LRP2: variants seen among roughly 807,000 people sequenced by gnomAD.
LRP2 encodes the protein low-density lipoprotein receptor-related protein 2.
LRP2 carries 172 observed loss-of-function variants against 531.0 expected under a neutral mutation model. The observed-to-expected ratio is 0.32, with a 90% CI of 0.29 to 0.37. The LOEUF (loss-of-function observed/expected upper bound fraction) is 0.37, where lower values mean the gene tolerates loss of function less well. Ranked by LOEUF, LRP2 falls within the 10% of genes least tolerant of loss-of-function variation. The pLI is 1.00. For synonymous variants in LRP2, 1,992 were observed against 2,027.6 expected, an observed-to-expected ratio of 0.98 and a Z score of 0.47; for missense variants, 5,167 against 5,868.3, an observed-to-expected ratio of 0.88 and a Z score of 3.90.
At chr2:169,248,723 C>T (rs1190309383) in intron 19 of LRP2, among the ~76,000 whole-genome samples, 1 of 142,674 alleles carries the variant, frequency 7.0e-6, no homozygotes, top group Non-Finnish European at 1.5e-5. Flanking sequence ...ATCTGAGGTA[C>T]CGGGTTCATC....
intron 45 of LRP2, among the ~76,000 whole-genome samples, chr2:169,197,817 A>G (rs961473206): frequency 6.6e-6 from 1 of 152,174 alleles, no homozygotes; most frequent in Non-Finnish European, 1.5e-5. Flanking sequence ...TGCTGCTGTT[A>G]TTACAACAGA....
chr2:169,263,109 G>C (rs1690639201), intron 16 of LRP2, among the ~76,000 whole-genome samples: 1 of 152,172 alleles, frequency 6.6e-6, no homozygotes, highest in African/African-American at 2.4e-5. Flanking sequence ...ATGGCTTAAA[G>C]ACTTAAATAT....
chr2:169,272,142 C>T (rs1018835903), intron 15 of LRP2, among the ~76,000 whole-genome samples: 4 of 151,934 alleles, frequency 2.6e-5, no homozygotes, highest in Admixed American at 2.0e-4. Context: ...CGCTAGAAAC[C>T]GCAACATCTG....
rs1216987363 is a variant in LRP2, at chr2:169,284,256, C to CTTTTTTTTTTTT, written c.1043-1267_1043-1256dup. ...CTTTTCTTTTCTTTTTCTTTTTTTTCTTTTTTTTTTTTTTTTTTTTTTTTT... is the reference window on the plus strand; with the variant it reads ...CTTTTCTTTTCTTTTTCTTTTTTTTCTTTTTTTTTTTTTTTTTTTTTTTTTTTTTTTTTTTTT... On this transcript the variant is annotated intron_variant, in intron 9 of 78. Coordinates refer to ENST00000649046, the MANE Select transcript of LRP2 (RefSeq NM_004525.3). 1.4e-3 allele frequency among the ~76,000 whole-genome samples: 135 copies of CTTTTTTTTTTTT among 96,580 alleles called. 4 individuals are homozygous for CTTTTTTTTTTTT. Among genetic ancestry groups the CTTTTTTTTTTTT allele is most frequent in the African/African-American group, 2.5e-3 (56 of 22,690 alleles). 63.4% of individuals were successfully genotyped at this position (96,580 alleles called of 152,430 possible).
Position 169,191,935 on chromosome 2 carries a change from C to G in LRP2, c.8929G>C (p.Asp2977His). The stretch of plus-strand genomic sequence containing the variant: ...TTCTCATCGTAGCCGTCAGTACAAT[C>G]CACATCGCCATCACAGACCCAAGAC... Reference protein sequence around the residue: ...PQSWVCDGDVDCTDGYDENQN... With the variant: ...PQSWVCDGDVHCTDGYDENQN... Residue 2977 changes from aspartate to histidine, a missense_variant, in exon 48 of 79, where the codon GAT (aspartate) becomes CAT (histidine). Physicochemically the swap from Asp to His is moderately conservative, Grantham distance 81. Around this residue, in one of 6 missense-constraint regions of LRP2, gnomAD observed 1,129 missense variants for 1,362.7 expected, o/e 0.83. Coordinates refer to ENST00000649046, the MANE Select transcript of LRP2 (RefSeq NM_004525.3). 1 of 1,614,160 alleles carries G rather than the reference C, an allele frequency of 6.2e-7. No homozygotes were observed. Among genetic ancestry groups the G allele is most frequent in the Non-Finnish European group, 8.5e-7 (1 of 1,180,004 alleles).
chr2:169,152,978 C>T lies in LRP2; in HGVS notation c.12296-14G>A, dbSNP rs183967792. 5.3e-5 allele frequency: 86 copies of T among 1,613,098 alleles called. No individual in the cohort carries two copies. In the African/African-American group the frequency reaches 1.0e-3, roughly 19 times the overall value. ...AATACACAACACCTACAGAGGAAGA[C>T]ACACAGGTCAGTTTCATGTCAAGAG... is the stretch of plus-strand genomic sequence containing the variant. On this transcript the variant is annotated splice_polypyrimidine_tract_variant and intron_variant, in intron 66 of 78. Coordinates refer to ENST00000649046, the MANE Select transcript of LRP2 (RefSeq NM_004525.3).
chr2:169,335,413 A>G (rs1685377564), intron 1 of LRP2, among the ~76,000 whole-genome samples: 1 of 152,256 alleles, frequency 6.6e-6, no homozygotes, highest in Admixed American at 6.5e-5. Context: ...TTCTATCATC[A>G]TAAAAGGATT....
intron 1 of LRP2, among the ~76,000 whole-genome samples, chr2:169,341,662 G>A (rs540760915): frequency 5.9e-5 from 9 of 152,252 alleles, no homozygotes; most frequent in East Asian, 3.9e-4. Context: ...AAAGTTACAA[G>A]AAAGTAAAGC....
intron 10 of LRP2, 28 bp from the exon 11 acceptor site, chr2:169,280,547 A>G (rs1177035110): frequency 6.2e-7 from 1 of 1,608,010 alleles, no homozygotes; most frequent in Non-Finnish European, 8.5e-7. Context: ...AGGCATCACC[A>G]CTCCTTCAGA....
intron 13 of LRP2, 54 bp downstream of exon 13, chr2:169,277,691 T>C: frequency 1.3e-6 from 2 of 1,491,450 alleles, no homozygotes; most frequent in South Asian, 2.3e-5. Context: ...GCAGCCATTT[T>C]ATGCACTTTC....
intron 13 of LRP2, among the ~76,000 whole-genome samples, chr2:169,277,478 A>G (rs1273335872): frequency 6.6e-6 from 1 of 152,166 alleles, no homozygotes; most frequent in Non-Finnish European, 1.5e-5. Context: ...ATGTGGGACT[A>G]GGGGAAGAGT....
intron 63 of LRP2, among the ~76,000 whole-genome samples, chr2:169,160,730 T>C (rs2105368524): frequency 6.8e-6 from 1 of 147,654 alleles, no homozygotes; most frequent in South Asian, 2.2e-4. Flanking sequence ...GAAAAGAAAG[T>C]ACTGTAGTCT....
intron 35 of LRP2, among the ~76,000 whole-genome samples, chr2:169,216,043 G>C (rs1207340160): frequency 6.6e-6 from 1 of 151,974 alleles, no homozygotes; most frequent in Non-Finnish European, 1.5e-5. Context: ...TTACCCTATA[G>C]GGAACTATGC....
chr2:169,164,352 G>A (rs552580633), intron 62 of LRP2, among the ~76,000 whole-genome samples: 1 of 152,346 alleles, frequency 6.6e-6, no homozygotes, highest in South Asian at 2.1e-4. Flanking sequence ...GTTTCGGAAT[G>A]GACTATGAGC....
In LRP2 at chr2:169,286,380, G is replaced by A. The variant is rs115740525; in HGVS notation, c.1042+2646C>T. Among the ~76,000 whole-genome samples, 43 of 152,266 alleles carry A rather than the reference G, an allele frequency of 2.8e-4. No individual in the cohort carries two copies. In the East Asian group the frequency reaches 5.6e-3, roughly 20 times the overall value. On this transcript the variant is annotated intron_variant, in intron 9 of 78. Coordinates refer to ENST00000649046, the MANE Select transcript of LRP2 (RefSeq NM_004525.3). ...TTGTGGAACTTAAAATTAGTGCCCC[G>A]GTATTAGAACACACTACTTCCAATG...
At chr2:169,307,153 C>T (rs1684441568) in intron 4 of LRP2, 128 bp downstream of exon 4, 2 of 742,448 alleles carry the variant, frequency 2.7e-6, no homozygotes, top group Non-Finnish European at 5.0e-6. Context: ...AAGAATCTGC[C>T]AAGAGATTGC....
At chr2:169,145,299 C>T (rs1290609697) in intron 70 of LRP2, among the ~76,000 whole-genome samples, 2 of 152,204 alleles carry the variant, frequency 1.3e-5, no homozygotes, top group African/African-American at 4.8e-5. Flanking sequence ...TAGGAATGCA[C>T]ATGACTGGCC....
At chr2:169,270,179 A>T (rs550901754) in intron 16 of LRP2, among the ~76,000 whole-genome samples, 2 of 152,320 alleles carry the variant, frequency 1.3e-5, no homozygotes, top group South Asian at 4.2e-4. Flanking sequence ...TAGTTCAACC[A>T]TTGTGGAAGA....
In LRP2 at chr2:169,176,395, G is replaced by C. The variant is rs1270598653; in HGVS notation, c.10571+16C>G. ...GGGCTAGAGAGGCACTGAGGAGAGG[G>C]GAAAGAGAGCCTTACTTTTCATTGT... On this transcript the variant is annotated intron_variant, in intron 54 of 78. Transcript: ENST00000649046. The C allele has an allele frequency of 1.9e-6, 3 of 1,613,940 alleles. No homozygotes were observed. The highest frequency in any genetic ancestry group is 2.5e-6 in the Non-Finnish European group (3 of 1,180,026).
Sources: allele counts gnomAD v4.1 joint callset (sites outside exome capture counted in the v4.1 genomes callset), GRCh38; gene constraint gnomAD v4.1.1; regional missense constraint gnomAD v4.1.1; transcripts MANE v1.5; gene names NCBI Gene and HGNC (gene_info 2026-07-23, HGNC 2026-07-21).